CCDC158: variants seen among roughly 807,000 people sequenced by gnomAD.
CCDC158 encodes coiled-coil domain containing 158.
A neutral mutation model predicts 138.6 loss-of-function variants in CCDC158; 116 were observed. The ratio of observed to expected loss-of-function variants is 0.84; its 90% CI spans 0.72 to 0.98. The LOEUF (loss-of-function observed/expected upper bound fraction) is 0.98, where lower values mean the gene tolerates loss of function less well. Among genes scored for constraint, CCDC158 ranks in the 50% least tolerant of loss-of-function variants. CCDC158 has a pLI of 0.00. For synonymous variants in CCDC158, 436 were observed against 442.4 expected (o/e 0.99, Z 0.18); for missense variants, 1,265 against 1,306.1 (o/e 0.97, Z 0.48).
intron 2 of CCDC158, among the ~76,000 whole-genome samples, chr4:76,408,551 G>A (rs534618608): frequency 4.7e-4 from 72 of 152,224 alleles, no homozygotes; most frequent in African/African-American, 1.6e-3. Context: ...ATTCCATGGC[G>A]TATATGTGCC....
chr4:76,334,788 AG>A (rs1190892901), intron 18 of CCDC158, among the ~76,000 whole-genome samples: 1 of 152,222 alleles, frequency 6.6e-6, no homozygotes, highest in Admixed American at 6.5e-5. Context: ...ACTGGTGAGC[AG>A]GTAGACTCAG....
chr4:76,388,819 T>C (rs1011550410), intron 4 of CCDC158, among the ~76,000 whole-genome samples: 1 of 151,988 alleles, frequency 6.6e-6, no homozygotes, highest in Non-Finnish European at 1.5e-5. Flanking sequence ...AGAGACTCCA[T>C]ATGTTTGAGA....
intron 24 of CCDC158, among the ~76,000 whole-genome samples, chr4:76,315,235 C>A (rs1360129710): frequency 6.6e-6 from 1 of 152,102 alleles, no homozygotes; most frequent in Non-Finnish European, 1.5e-5. Flanking sequence ...AACCATCCTG[C>A]GTACCCCACA....
intron 18 of CCDC158, among the ~76,000 whole-genome samples, chr4:76,340,067 G>A (rs1423091813): frequency 6.6e-6 from 1 of 152,162 alleles, no homozygotes; most frequent in Non-Finnish European, 1.5e-5. Context: ...CACAAAACTT[G>A]CTTACTTGTG....
intron 24 of CCDC158, among the ~76,000 whole-genome samples, chr4:76,318,791 TA>T: frequency 6.6e-6 from 1 of 152,092 alleles, no homozygotes; most frequent in Non-Finnish European, 1.5e-5. Context: ...ATCCTAATAC[TA>T]AAACCAGGAA....
chr4:76,375,555 T>A (rs1725641266), intron 9 of CCDC158: 1 of 702,716 alleles, frequency 1.4e-6, no homozygotes, highest in African/African-American at 1.7e-5. Flanking sequence ...CCCCAACTGC[T>A]TTCAAAGTAG....
At chr4:76,354,608 A>G (rs1723363108) in intron 15 of CCDC158, among the ~76,000 whole-genome samples, 1 of 152,192 alleles carries the variant, frequency 6.6e-6, no homozygotes, top group Non-Finnish European at 1.5e-5. Context: ...AGTCTCATTC[A>G]TGAGAACCAC....
In CCDC158 at chr4:76,384,668, GA is replaced by G. The variant is rs548431192; in HGVS notation, c.289-4del. 3,647 of 1,569,534 alleles carry G rather than the reference GA, an allele frequency of 2.3e-3. 15 individuals carry two copies. The highest frequency in any genetic ancestry group is 8.8e-3 in the South Asian group (757 of 85,594). ...TGTTTCTCATGCAATTCATTGCTCT[GA>G]AAAAAAAAGCCATGCAAATTAATCT... On this transcript the variant is annotated splice_region_variant and splice_polypyrimidine_tract_variant and intron_variant, in intron 4 of 24. Transcript: ENST00000682701.
chr4:76,372,912 G>A (rs1162652123), intron 9 of CCDC158, among the ~76,000 whole-genome samples: 5 of 152,014 alleles, frequency 3.3e-5, no homozygotes, highest in Admixed American at 2.0e-4. Context: ...GCAATGGCAC[G>A]ATCTCGGCTC....
intron 24 of CCDC158, among the ~76,000 whole-genome samples, chr4:76,322,643 G>A (rs1047723390): frequency 6.6e-6 from 1 of 152,148 alleles, no homozygotes; most frequent in African/African-American, 2.4e-5. Flanking sequence ...CATAAAAAAT[G>A]TACTTCAAAA....
At chr4:76,383,004 T>A (rs753446205) in intron 7 of CCDC158, among the ~76,000 whole-genome samples, 1 of 152,180 alleles carries the variant, frequency 6.6e-6, no homozygotes, top group Non-Finnish European at 1.5e-5. Flanking sequence ...TCTAGGGAAG[T>A]GTCCCATTAA....
chr4:76,367,032 G>A (rs1724738775), intron 12 of CCDC158, among the ~76,000 whole-genome samples: 1 of 151,988 alleles, frequency 6.6e-6, no homozygotes, highest in Non-Finnish European at 1.5e-5. Context: ...ACTTTCCTGT[G>A]GTATCAGGAA....
At chr4:76,370,561 G>A (rs1725136496) in intron 10 of CCDC158, among the ~76,000 whole-genome samples, 2 of 152,110 alleles carry the variant, frequency 1.3e-5, no homozygotes, top group Non-Finnish European at 2.9e-5. Context: ...GAGTGAAGAG[G>A]AGAAAAACTG....
intron 9 of CCDC158, among the ~76,000 whole-genome samples, chr4:76,376,867 T>C (rs575701386): frequency 6.6e-6 from 1 of 152,368 alleles, no homozygotes; most frequent in African/African-American, 2.4e-5. Context: ...GAAGCTGATA[T>C]GCCCTCCTTA....
intron 15 of CCDC158, among the ~76,000 whole-genome samples, chr4:76,353,773 C>T (rs1301212473): frequency 6.6e-6 from 1 of 152,158 alleles, no homozygotes; most frequent in East Asian, 1.9e-4. Context: ...AGTCACTTAA[C>T]AGCCCAATGA....
At chr4:76,366,647 A>T (rs1410930774) in intron 12 of CCDC158, among the ~76,000 whole-genome samples, 1 of 151,862 alleles carries the variant, frequency 6.6e-6, no homozygotes, top group Non-Finnish European at 1.5e-5. Flanking sequence ...AAACACACAC[A>T]CACACACACA....
chr4:76,332,482 C>T lies in CCDC158; in HGVS notation c.2832G>A (p.Arg944=), dbSNP rs770844631. Residue 944 remains arginine, a synonymous_variant, in exon 20 of 25, where the codon AGG becomes AGA. Coordinates refer to ENST00000682701, the MANE Select transcript of CCDC158 (RefSeq NM_001394954.1). The part of the protein sequence containing the change: ...LGALYVAVED[R]VRDCITESSL... ...TGGATTCAGTAATGCAATCTCTTACCCTATCCTCTCTGTATAGAAAATATA... is the reference window on the plus strand; with the variant it reads ...TGGATTCAGTAATGCAATCTCTTACTCTATCCTCTCTGTATAGAAAATATA... 7 of 1,606,292 alleles carry T rather than the reference C, an allele frequency of 4.4e-6. No homozygotes were observed. Among genetic ancestry groups the T allele is most frequent in the Admixed American group, 1.7e-5 (1 of 59,230 alleles).
chr4:76,351,638 A>G, intron 17 of CCDC158, 82 bp downstream of exon 17: 1 of 792,944 alleles, frequency 1.3e-6, no homozygotes, highest in Non-Finnish European at 2.2e-6. Context: ...TTGAATGTGT[A>G]TCTAAGGTAC....
intron 18 of CCDC158, chr4:76,344,494 C>T (rs1286574835): frequency 7.8e-6 from 6 of 773,826 alleles, no homozygotes; most frequent in Non-Finnish European, 1.4e-5. Context: ...TCAAGAGCTA[C>T]AGGCTTGTCC....
Sources: gnomAD v4.1 joint callset for allele counts (sites outside exome capture counted in the v4.1 genomes callset) on GRCh38, gnomAD v4.1.1 for gene constraint, MANE v1.5 for transcripts, NCBI Gene and HGNC (gene_info 2026-07-23, HGNC 2026-07-21) for gene names.